Variants in ZC3H11A observed in about 807,000 individuals in gnomAD.
The protein encoded by ZC3H11A is zinc finger CCCH-type containing 11A.
Under a neutral mutation model 90.8 loss-of-function variants are expected in ZC3H11A, and 22 were observed. The observed-to-expected ratio is 0.24, with a 90% CI of 0.17 to 0.35. The LOEUF is 0.35. ZC3H11A is among the 10% of genes least tolerant of loss of function. ZC3H11A has a pLI of 1.00. For synonymous variants in ZC3H11A, 294 were observed against 339.8 expected (o/e 0.87, Z 1.48); for missense variants, 701 against 964.9 (o/e 0.73, Z 3.62).
intron 8 of ZC3H11A, 152 bp downstream of exon 8, chr1:203,830,355 T>G: frequency 1.5e-6 from 1 of 667,508 alleles, no homozygotes; most frequent in South Asian, 2.1e-5. Context: ...TTGTGGTTGC[T>G]TTTAATTCAC....
intron 1 of ZC3H11A, chr1:203,798,186 C>T (rs754907357): frequency 3.3e-6 from 5 of 1,536,060 alleles, no homozygotes; most frequent in Non-Finnish European, 4.4e-6. Context: ...TCCTACTGAT[C>T]CATTAGATGA....
Position 203,833,805 on chromosome 1 carries a change from G to A in ZC3H11A, c.826G>A (p.Val276Ile). 6.2e-7 allele frequency: 1 copy of A among 1,608,062 alleles called. No individual in the cohort carries two copies. The change falls in exon 10 of 18, where the codon GTT (valine) becomes ATT (isoleucine). Residue 276 changes from valine (V) to isoleucine (I), a missense_variant. Physicochemically the swap from Val to Ile is conservative, Grantham distance 29. This residue lies in a region of ZC3H11A where 530 missense variants were observed against 696.2 expected (regional missense o/e 0.76). Transcript: ENST00000367210. ...TGCCATTTCAGGAGAAGAACCCTTG[G>A]TTAGATTGAGTCTTACTGAGAGACT... The part of the protein sequence containing the change: ...LSTKQGEEPL[V>I]RLSLTERLGK...
At chr1:203,847,766 GTTGT>G in intron 13 of ZC3H11A, 79 bp downstream of exon 13, 1 of 1,532,942 alleles carries the variant, frequency 6.5e-7, no homozygotes, top group Non-Finnish European at 8.7e-7. Context: ...CTTCCTAGGA[GTTGT>G]TTGACAACCT....
chr1:203,830,204 G>A lies in ZC3H11A; in HGVS notation c.700+1G>A. 1 of 1,596,690 alleles carries A rather than the reference G, an allele frequency of 6.3e-7. No homozygotes were observed. The highest frequency in any genetic ancestry group is 8.5e-7 in the Non-Finnish European group (1 of 1,174,716). ...AAGGAAAAATCTAAGAAGCAAGGTG[G>A]TAAGTCATCACGTTTTGGCATGGAT... On this transcript the variant is annotated splice_donor_variant, in intron 8 of 17. Coordinates refer to ENST00000367210, the MANE Select transcript of ZC3H11A (RefSeq NM_001376342.1). LOFTEE classifies it high-confidence loss of function.
intron 4 of ZC3H11A, among the ~76,000 whole-genome samples, chr1:203,822,477 G>A (rs949635895): frequency 3.3e-5 from 5 of 152,074 alleles, no homozygotes; most frequent in African/African-American, 7.2e-5. Context: ...CCTTTGGGCT[G>A]TGATACTTTG....
chr1:203,830,928 T>TTA (rs1465742037), intron 8 of ZC3H11A, among the ~76,000 whole-genome samples: 40 of 70,696 alleles, frequency 5.7e-4, no homozygotes, highest in African/African-American at 3.0e-3. Flanking sequence ...ACCCCCAATT[T>TTA]TTTTTTTTTT....
intron 1 of ZC3H11A, chr1:203,798,741 T>C: frequency 2.0e-6 from 3 of 1,536,130 alleles, no homozygotes; most frequent in Non-Finnish European, 2.6e-6. Context: ...AAATCCAGTC[T>C]CAAGTCACAT....
chr1:203,833,541 A>G (rs976870766), intron 9 of ZC3H11A, among the ~76,000 whole-genome samples: 2 of 151,310 alleles, frequency 1.3e-5, no homozygotes, highest in Non-Finnish European at 2.9e-5. Flanking sequence ...TATTATCAAA[A>G]TAATAATAAT....
In ZC3H11A at chr1:203,819,501, C is replaced by T. The variant is rs138168614; in HGVS notation, c.174+812C>T. Among the ~76,000 whole-genome samples, 247 of 147,244 alleles carry T rather than the reference C, an allele frequency of 1.7e-3. 5 individuals are homozygous for T. The East Asian group carries it at 0.039, about 23-fold the overall frequency. On this transcript the variant is annotated intron_variant, in intron 4 of 17. Transcript: ENST00000367210. Reference sequence around the variant, plus strand: ...CCTCTGAAAGTGCTGGGATTACATGCGTGAGCCACCGTGCCCAGCTGACTC... The same window carrying T: ...CCTCTGAAAGTGCTGGGATTACATGTGTGAGCCACCGTGCCCAGCTGACTC...
intron 2 of ZC3H11A, among the ~76,000 whole-genome samples, chr1:203,809,181 T>TTG (rs1553260016): frequency 7.1e-6 from 1 of 140,462 alleles, no homozygotes; most frequent in African/African-American, 2.7e-5. Flanking sequence ...TGTTTTTTTT[T>TTG]TTTTTTTTTT....
At chr1:203,827,498 G>A (rs1680928240) in intron 4 of ZC3H11A, among the ~76,000 whole-genome samples, 1 of 151,750 alleles carries the variant, frequency 6.6e-6, no homozygotes, top group African/African-American at 2.4e-5. Flanking sequence ...GGCTAACATG[G>A]TAAAACCTCT....
At chr1:203,806,135 A>G (rs1039038663) in intron 2 of ZC3H11A, 1 of 504,320 alleles carries the variant, frequency 2.0e-6, no homozygotes, top group Non-Finnish European at 4.0e-6. Context: ...TGGTCCTTAT[A>G]CTTCACTAGC....
chr1:203,832,855 G>A (rs1036977702), intron 9 of ZC3H11A, among the ~76,000 whole-genome samples: 1 of 152,200 alleles, frequency 6.6e-6, no homozygotes, highest in Non-Finnish European at 1.5e-5. Flanking sequence ...ACATATCAAA[G>A]TGCATAAGCA....
At chr1:203,847,721 C>A in intron 13 of ZC3H11A, 34 bp downstream of exon 13, 1 of 1,592,238 alleles carries the variant, frequency 6.3e-7, no homozygotes, top group South Asian at 1.1e-5. Flanking sequence ...GTACCACGTC[C>A]CCACATAATA....
In ZC3H11A at chr1:203,820,237, GAA is replaced by G. The variant is rs542435423; in HGVS notation, c.174+1562_174+1563del. Among the ~76,000 whole-genome samples the G allele has an allele frequency of 5.0e-3, 516 of 102,946 alleles. 2 individuals are homozygous for G. The highest frequency in any genetic ancestry group is 0.046 in the Middle Eastern group (9 of 196). 67.5% of individuals were successfully genotyped at this position (102,946 alleles called of 152,430 possible). On this transcript the variant is annotated intron_variant, in intron 4 of 17. Transcript: ENST00000367210. ...GTGACAGGGCGAGACTCCATCTCAA[GAA>G]AAAAAAAAAAAAAGCCCAAATTCAA...
chr1:203,799,636 A>C, intron 1 of ZC3H11A: 1 of 703,446 alleles, frequency 1.4e-6, no homozygotes, highest in Non-Finnish European at 2.6e-6. Context: ...GTGAGCGTGA[A>C]GACCGCAGGA....
intron 2 of ZC3H11A, among the ~76,000 whole-genome samples, chr1:203,805,428 G>T (rs1033393251): frequency 1.3e-5 from 2 of 152,086 alleles, no homozygotes; most frequent in African/African-American, 2.4e-5. Context: ...ACCGCGCCCT[G>T]CCAGAATCAA....
At chr1:203,851,728 TG>T (rs1226353161) in intron 17 of ZC3H11A, among the ~76,000 whole-genome samples, 1 of 151,998 alleles carries the variant, frequency 6.6e-6, no homozygotes, top group Non-Finnish European at 1.5e-5. Context: ...TTTGGGAGAC[TG>T]GGGCTGGAGA....
intron 4 of ZC3H11A, among the ~76,000 whole-genome samples, chr1:203,821,417 T>C (rs1258166508): frequency 6.6e-6 from 1 of 152,178 alleles, no homozygotes; most frequent in Non-Finnish European, 1.5e-5. Context: ...TCGTACTCTG[T>C]TACTATCATT....
Sources: allele counts gnomAD v4.1 joint callset (sites outside exome capture counted in the v4.1 genomes callset), GRCh38; gene constraint gnomAD v4.1.1; regional missense constraint gnomAD v4.1.1; transcripts MANE v1.5; gene names NCBI Gene and HGNC (gene_info 2026-07-23, HGNC 2026-07-21).